The following GALNT15 variants were observed in gnomAD, a reference collection of about 807,000 sequenced individuals.
The protein encoded by GALNT15 is polypeptide N-acetylgalactosaminyltransferase 15.
GALNT15 carries 67 observed loss-of-function variants against 66.8 expected under a neutral mutation model. That is an observed-to-expected ratio of 1.00 (90% confidence interval 0.82 to 1.23). The LOEUF is 1.23. Among genes scored for constraint, GALNT15 ranks in the 50% most tolerant of loss-of-function variants. GALNT15 has a pLI of 0.00. For missense variants in GALNT15, 827 were observed against 804.3 expected (o/e 1.03, Z -0.34); for synonymous variants, 313 against 311.5 (o/e 1.00, Z -0.05).
intron 1 of GALNT15, among the ~76,000 whole-genome samples, chr3:16,190,931 C>T (rs896403323): frequency 6.6e-6 from 1 of 152,184 alleles, no homozygotes; most frequent in Non-Finnish European, 1.5e-5. Flanking sequence ...TTGAAGGCTG[C>T]GTGAACTTCT....
chr3:16,235,244 A>G (rs2064119388), downstream of GALNT15, among the ~76,000 whole-genome samples: 1 of 152,148 alleles, frequency 6.6e-6, no homozygotes, highest in East Asian at 1.9e-4. Context: ...CAATCTTATT[A>G]TAACATTAGA....
intron 3 of GALNT15, among the ~76,000 whole-genome samples, chr3:16,201,403 G>A (rs7639035): frequency 0.49 from 74,646 of 151,760 alleles, 18,608 homozygotes; most frequent in East Asian, 0.58. Flanking sequence ...GGATGGTCTC[G>A]ATCTCCTGAC....
At chr3:16,215,916 A>AAACAAACAAAAAAAAAAAAAAAAC (rs1019009823) in intron 6 of GALNT15, among the ~76,000 whole-genome samples, 4 of 143,530 alleles carry the variant, frequency 2.8e-5, no homozygotes, top group South Asian at 2.5e-4. Context: ...CAAAAAAAAA[A>AAACAAACAAAAAAAAAAAAAAAAC]AAAAAAAAAG....
At chr3:16,206,277 G>A (rs1215583561) in intron 3 of GALNT15, among the ~76,000 whole-genome samples, 2 of 152,080 alleles carry the variant, frequency 1.3e-5, no homozygotes, top group Non-Finnish European at 2.9e-5. Flanking sequence ...CAGCTACTCG[G>A]GGAGCTGAGG....
chr3:16,231,867 T>C, downstream of GALNT15: 1 of 1,536,316 alleles, frequency 6.5e-7, no homozygotes, highest in Non-Finnish European at 8.7e-7. This position sits in a 1 kb window ranked among gnomAD's most constrained non-coding sequence, Gnocchi z 4.1. Flanking sequence ...TTGTGAACAA[T>C]GGGTAGGACA....
In GALNT15 at chr3:16,174,822, G is replaced by T. The variant is rs1245816124; in HGVS notation, c.-330G>T. 1 of 339,944 alleles carries T rather than the reference G, an allele frequency of 2.9e-6. No homozygotes were observed. Among genetic ancestry groups the T allele is most frequent in the Non-Finnish European group, 5.5e-6 (1 of 183,188 alleles). 21.1% of individuals were successfully genotyped at this position (339,944 alleles called of 1,614,324 possible). The stretch of plus-strand genomic sequence containing the variant: ...GGGAAAGAAACACCTGAGCAGAATG[G>T]AATCATTATTTTTTTCCCAAGGAGA... On this transcript the variant is annotated 5_prime_UTR_variant, in exon 1 of 10. It introduces an in-frame stop codon into an upstream open reading frame of the 5' UTR. Coordinates refer to ENST00000339732, the MANE Select transcript of GALNT15 (RefSeq NM_054110.5). The surrounding 1 kb of genome is among the most constrained non-coding windows in gnomAD (Gnocchi z 4.7).
rs2063625315 is a variant in GALNT15, at chr3:16,195,702, G to A, written c.540-58G>A. 4.0e-6 allele frequency: 6 copies of A among 1,501,394 alleles called. No individual in the cohort carries two copies. The East Asian group carries it at 9.1e-5, about 23-fold the overall frequency. The allele number at this position is 1,501,394 out of a possible 1,614,324, so 93.0% of individuals were successfully genotyped here. A position where few individuals can be genotyped will look rare whatever the true frequency, so the allele number is the denominator to read the frequency against. On this transcript the variant is annotated intron_variant, in intron 1 of 9. Transcript: ENST00000339732. The surrounding 1 kb of genome is among the most constrained non-coding windows in gnomAD (Gnocchi z 4.6). ...GAGCAAAGGAAGCGAGTTAGAGGGT[G>A]TGGAGTGTTTCTTGTGGCCTTCTCT... is the stretch of plus-strand genomic sequence containing the variant.
chr3:16,181,481 C>T lies in GALNT15; in HGVS notation c.539+5791C>T, dbSNP rs988299506. ...AAGGGGTCAGAGGGAAGGGCAGGGGCGGGAGAGTCGCCTTGGCTGCAGCTT... is the reference window on the plus strand; with the variant it reads ...AAGGGGTCAGAGGGAAGGGCAGGGGTGGGAGAGTCGCCTTGGCTGCAGCTT... On this transcript the variant is annotated intron_variant, in intron 1 of 9. Transcript: ENST00000339732. This position sits in a 1 kb window ranked among gnomAD's most constrained non-coding sequence, Gnocchi z 5.9. 5.3e-5 allele frequency among the ~76,000 whole-genome samples: 8 copies of T among 151,942 alleles called. No homozygotes were observed. Among genetic ancestry groups the T allele is most frequent in the African/African-American group, 1.7e-4 (7 of 41,362 alleles).
intron 1 of GALNT15, among the ~76,000 whole-genome samples, chr3:16,194,438 C>T (rs535559915): frequency 1.3e-5 from 2 of 152,240 alleles, no homozygotes; most frequent in South Asian, 4.1e-4. Context: ...GGATATTAGA[C>T]CTTTGTCAGA....
chr3:16,175,408 C>G lies in GALNT15; in HGVS notation c.257C>G (p.Pro86Arg). 1 of 1,614,154 alleles carries G rather than the reference C, an allele frequency of 6.2e-7. No homozygotes were observed. The highest frequency in any genetic ancestry group is 8.5e-7 in the Non-Finnish European group (1 of 1,180,016). The part of the protein sequence containing the change: ...EEYSPLEGLP[P>R]FISLREDQLL... ...TACAGCCCTCTGGAGGGCCTGCCAC[C>G]CTTTATCTCACTGCGGGAGGATCAG... Residue 86 changes from proline (P) to arginine (R), a missense_variant, in exon 1 of 10, where the codon CCC becomes CGC. Coordinates refer to ENST00000339732, the MANE Select transcript of GALNT15 (RefSeq NM_054110.5). This position sits in a 1 kb window ranked among gnomAD's most constrained non-coding sequence, Gnocchi z 5.6.
intron 8 of GALNT15, 150 bp downstream of exon 8, chr3:16,220,164 C>G: frequency 1.5e-6 from 1 of 653,910 alleles, no homozygotes; most frequent in Non-Finnish European, 2.8e-6. Context: ...ACTGTAATGA[C>G]TCATCACAGC....
At chr3:16,215,198 A>G (rs1246417857) in intron 6 of GALNT15, among the ~76,000 whole-genome samples, 1 of 152,234 alleles carries the variant, frequency 6.6e-6, no homozygotes, top group Non-Finnish European at 1.5e-5. Context: ...TGGTTGGTGC[A>G]ATTAGAAGTG....
chr3:16,241,972 T>C, the GALNT15 span, among the ~76,000 whole-genome samples: 1 of 152,182 alleles, frequency 6.6e-6, no homozygotes, highest in Non-Finnish European at 1.5e-5. The surrounding 1 kb of genome is among the most constrained non-coding windows in gnomAD (Gnocchi z 4.6). Flanking sequence ...AAAGAGCTTC[T>C]CACATGGCAG....
At position 16,209,556 on chromosome 3, in the gene GALNT15, G is replaced by A. The variant is rs2063790744; in HGVS notation, c.1079+886G>A. On this transcript the variant is annotated intron_variant, in intron 4 of 9. Transcript: ENST00000339732. This position sits in a 1 kb window ranked among gnomAD's most constrained non-coding sequence, Gnocchi z 4.1. ...CAGCAGGCCAGATGCAGTGACTCAT[G>A]CCTGTAATCCTAGCACTTTGGGAGG... Among the ~76,000 whole-genome samples the A allele has an allele frequency of 6.6e-6, 1 of 152,226 alleles. No individual in the cohort carries two copies. The highest frequency in any genetic ancestry group is 2.4e-5 in the African/African-American group (1 of 41,464).
rs542494927 is a variant in GALNT15 at position 16,219,629 on chromosome 3, C to G, written c.1524+95C>G. On this transcript the variant is annotated intron_variant, in intron 7 of 9. Transcript: ENST00000339732. This position sits in a 1 kb window ranked among gnomAD's most constrained non-coding sequence, Gnocchi z 4.3. ...TCTTCCATGTCCCTGGTCAACCATT[C>G]ACGGTTTAGCAGGGCCTCAGAGGCC... is the stretch of plus-strand genomic sequence containing the variant. The G allele has an allele frequency of 2.0e-6, 3 of 1,509,216 alleles. No homozygotes were observed. The highest frequency in any genetic ancestry group is 1.2e-5 in the South Asian group (1 of 80,078). The allele number at this position is 1,509,216 out of a possible 1,614,324, so 93.5% of individuals were successfully genotyped here.
the GALNT15 span, among the ~76,000 whole-genome samples, chr3:16,242,715 G>C: frequency 6.6e-6 from 1 of 152,192 alleles, no homozygotes; most frequent in African/African-American, 2.4e-5. The surrounding 1 kb of genome is among the most constrained non-coding windows in gnomAD (Gnocchi z 5.6). Flanking sequence ...GGAGGTCAAG[G>C]CTGCCGTGAG....
rs747965189 is a variant in GALNT15, at chr3:16,200,612, A to G, written c.707-7A>G. On this transcript the variant is annotated splice_region_variant and splice_polypyrimidine_tract_variant and intron_variant, in intron 2 of 9. Coordinates refer to ENST00000339732, the MANE Select transcript of GALNT15 (RefSeq NM_054110.5). The surrounding 1 kb of genome is among the most constrained non-coding windows in gnomAD (Gnocchi z 4.4). Reference sequence around the variant, plus strand: ...CATTCCACTGACCACAACCCTGTTGATTCCAGGACAACTCAAGTCTGCTCT... The same window carrying G: ...CATTCCACTGACCACAACCCTGTTGGTTCCAGGACAACTCAAGTCTGCTCT... 2 of 1,514,818 alleles carry G rather than the reference A, an allele frequency of 1.3e-6. No homozygotes were observed. The highest frequency in any genetic ancestry group is 1.8e-6 in the Non-Finnish European group (2 of 1,129,610). The allele number at this position is 1,514,818 out of a possible 1,614,324, so 93.8% of individuals were successfully genotyped here.
intron 1 of GALNT15, among the ~76,000 whole-genome samples, chr3:16,192,029 G>T (rs1176757914): frequency 6.6e-6 from 1 of 152,142 alleles, no homozygotes; most frequent in Non-Finnish European, 1.5e-5. Context: ...GGCCTAAAGG[G>T]TAATTATGGT....
rs2124883746 is a variant in GALNT15 at position 16,209,380 on chromosome 3, G to A, written c.1079+710G>A. 6.6e-6 allele frequency among the ~76,000 whole-genome samples: 1 copy of A among 152,274 alleles called. No individual in the cohort carries two copies. The highest frequency in any genetic ancestry group is 1.5e-5 in the Non-Finnish European group (1 of 68,022). Reference sequence around the variant, plus strand: ...CAACACTATAAAGCCAGTGAGAGGTGAATCCAGAATTTAAACCCAGACAGC... The same window carrying A: ...CAACACTATAAAGCCAGTGAGAGGTAAATCCAGAATTTAAACCCAGACAGC... On this transcript the variant is annotated intron_variant, in intron 4 of 9. Transcript: ENST00000339732. The surrounding 1 kb of genome is among the most constrained non-coding windows in gnomAD (Gnocchi z 4.1).
Sources: gnomAD v4.1 joint callset for allele counts (sites outside exome capture counted in the v4.1 genomes callset) on GRCh38, gnomAD v4.1.1 for gene constraint, Gnocchi (gnomAD v3.1) non-coding constraint, MANE v1.5 for transcripts, NCBI Gene and HGNC (gene_info 2026-07-23, HGNC 2026-07-21) for gene names.